The following VTCN1 variants were observed in gnomAD, a reference collection of about 807,000 sequenced individuals.
The protein encoded by VTCN1 is V-set domain-containing T-cell activation inhibitor 1.
A neutral mutation model predicts 26.5 loss-of-function variants in VTCN1; 26 were observed. That is an observed-to-expected ratio of 0.98 (90% CI 0.72 to 1.36). The LOEUF is 1.36. Among genes scored for constraint, VTCN1 ranks in the 40% most tolerant of loss-of-function variants. The pLI is 0.00. For missense variants in VTCN1, 298 were observed against 337.7 expected (o/e 0.88, Z 0.92); for synonymous variants, 116 against 130.7 (o/e 0.89, Z 0.77).
At position 117,143,987 on chromosome 1, in the gene VTCN1, G is replaced by A. The variant is rs1396613342; in HGVS notation, c.*1284C>T. The A allele has an allele frequency of 6.6e-6, 1 of 152,144 alleles. No individual in the cohort carries two copies. Among genetic ancestry groups the A allele is most frequent in the Non-Finnish European group, 1.5e-5 (1 of 68,040 alleles). The allele number at this position is 152,144 out of a possible 1,614,324, so 9.4% of individuals were successfully genotyped here. A position where few individuals can be genotyped will look rare whatever the true frequency, so the allele number is the denominator to read the frequency against. ...GGAAAGAAACTTAGAAGCTCAACAA[G>A]CTGAAGATAATCCCATCAGGCATTT... is the stretch of plus-strand genomic sequence containing the variant. On this transcript the variant is annotated 3_prime_UTR_variant, in exon 6 of 6. Coordinates refer to ENST00000369458, the MANE Select transcript of VTCN1 (RefSeq NM_024626.4).
At chr1:117,172,534 G>GTTTT in intron 1 of VTCN1, 1 of 507,478 alleles carries the variant, frequency 2.0e-6, no homozygotes, top group Non-Finnish European at 3.9e-6. Context: ...GTGGCCTAGG[G>GTTTT]TTTTCATTTA....
intron 1 of VTCN1, among the ~76,000 whole-genome samples, chr1:117,172,859 C>T (rs1935782): frequency 0.057 from 8,736 of 151,990 alleles, 629 homozygotes; most frequent in African/African-American, 0.17. Flanking sequence ...GGATTGTAAA[C>T]GCACGGATCA....
chr1:117,204,770 G>T (rs1450372929), intron 1 of VTCN1, among the ~76,000 whole-genome samples: 1 of 151,958 alleles, frequency 6.6e-6, no homozygotes, highest in African/African-American at 2.4e-5. Context: ...GGAGGCTGAG[G>T]CAGGAGAATC....
chr1:117,209,283 CGA>C (rs1201396427), intron 1 of VTCN1, among the ~76,000 whole-genome samples: 1 of 152,162 alleles, frequency 6.6e-6, no homozygotes, highest in Non-Finnish European at 1.5e-5. Context: ...CAAAGCATTA[CGA>C]GAGAGCCCAC....
At chr1:117,185,300 G>T (rs1291226541) in intron 1 of VTCN1, among the ~76,000 whole-genome samples, 10 of 152,120 alleles carry the variant, frequency 6.6e-5, no homozygotes, top group Non-Finnish European at 1.5e-5. Context: ...GAATGACTAG[G>T]GTCTTGGTCC....
At chr1:117,191,215 G>C (rs1232024288) in intron 1 of VTCN1, among the ~76,000 whole-genome samples, 1 of 152,164 alleles carries the variant, frequency 6.6e-6, no homozygotes, top group East Asian at 1.9e-4. Flanking sequence ...TTTGCAATCA[G>C]TCATTTAGAG....
chr1:117,192,057 A>G (rs6702332), intron 1 of VTCN1, among the ~76,000 whole-genome samples: 3,879 of 151,930 alleles, frequency 0.026, 172 homozygotes, highest in African/African-American at 0.089. Context: ...AGCTCAAAAG[A>G]TTTTAAGCAG....
intron 4 of VTCN1, among the ~76,000 whole-genome samples, chr1:117,149,662 C>T (rs12094597): frequency 0.033 from 5,035 of 152,238 alleles, 198 homozygotes; most frequent in African/African-American, 0.089. Context: ...TGATTAACTT[C>T]TCTTTTGATA....
rs1388377450 is a variant in VTCN1 at position 117,204,850 on chromosome 1, AGCGAGACT to A, written c.32+5966_32+5973del. On this transcript the variant is annotated intron_variant, in intron 1 of 5. Transcript: ENST00000369458. ...CACTGTACTCCAGCCTGGGCAACAGAGCGAGACTCTGTCTCACAAAAAAGAAAAAAGAA... is the reference window on the plus strand; with the variant it reads ...CACTGTACTCCAGCCTGGGCAACAGACTGTCTCACAAAAAAGAAAAAAGAA... Among the ~76,000 whole-genome samples the A allele has an allele frequency of 4.8e-4, 3 of 6,252 alleles. No individual in the cohort carries two copies. The Non-Finnish European group carries it at 0.036, about 74-fold the overall frequency. 4.1% of individuals were successfully genotyped at this position (6,252 alleles called of 152,430 possible). A position where few individuals can be genotyped will look rare whatever the true frequency, so the allele number is the denominator to read the frequency against.
rs189526334 is a variant in VTCN1 at position 117,183,816 on chromosome 1, A to T, written c.33-13645T>A. On this transcript the variant is annotated intron_variant, in intron 1 of 5. Coordinates refer to ENST00000369458, the MANE Select transcript of VTCN1 (RefSeq NM_024626.4). The surrounding 1 kb of genome is among the most constrained non-coding windows in gnomAD (Gnocchi z 4.1). ...AAAAAAATAAAAGACAAAACCACAC[A>T]CACATTTTTGGGTACTTCATTTTTG... Among the ~76,000 whole-genome samples, 6 of 152,336 alleles carry T rather than the reference A, an allele frequency of 3.9e-5. No individual in the cohort carries two copies. The highest frequency in any genetic ancestry group is 1.4e-4 in the African/African-American group (6 of 41,586).
chr1:117,173,270 T>A (rs1024664267), intron 1 of VTCN1: 5 of 691,422 alleles, frequency 7.2e-6, no homozygotes, highest in Non-Finnish European at 1.3e-5. Flanking sequence ...ATTGCAGATG[T>A]AGTTAGTTAA....
At chr1:117,148,663 T>C (rs1249285146) in intron 4 of VTCN1, among the ~76,000 whole-genome samples, 1 of 152,230 alleles carries the variant, frequency 6.6e-6, no homozygotes, top group Non-Finnish European at 1.5e-5. Flanking sequence ...GAGTACCTAC[T>C]ATTGGGGTTC....
At position 117,210,911 on chromosome 1, in the gene VTCN1, C is replaced by G. The variant is rs114396273; in HGVS notation, c.-56G>C. 6.3e-7 allele frequency: 1 copy of G among 1,598,308 alleles called. No individual in the cohort carries two copies. The highest frequency in any genetic ancestry group is 1.3e-5 in the African/African-American group (1 of 74,720). ...ACTGGCTGAGTGGAGCTGCCGCTGC[C>G]TTCCTTGGTGACTCACAACCAGCTC... On this transcript the variant is annotated 5_prime_UTR_variant, in exon 1 of 6. Coordinates refer to ENST00000369458, the MANE Select transcript of VTCN1 (RefSeq NM_024626.4).
chr1:117,190,956 T>C (rs922063084), intron 1 of VTCN1, among the ~76,000 whole-genome samples: 2 of 152,152 alleles, frequency 1.3e-5, no homozygotes, highest in African/African-American at 4.8e-5. Context: ...CTGACAAGAA[T>C]TTAAAATAAT....
chr1:117,147,492 T>A lies in VTCN1; in HGVS notation c.*45+121A>T. 1 of 784,878 alleles carries A rather than the reference T, an allele frequency of 1.3e-6. No homozygotes were observed. The highest frequency in any genetic ancestry group is 1.9e-6 in the Non-Finnish European group (1 of 523,940). 48.6% of individuals were successfully genotyped at this position (784,878 alleles called of 1,614,324 possible). On this transcript the variant is annotated intron_variant, in intron 5 of 5. Coordinates refer to ENST00000369458, the MANE Select transcript of VTCN1 (RefSeq NM_024626.4). The surrounding 1 kb of genome is among the most constrained non-coding windows in gnomAD (Gnocchi z 4.6). Reference sequence around the variant, plus strand: ...TTTCCCAGTACTAGTGGAAATAATGTCACAGCCCTGGTGTCATTAAATGTT... The same window carrying A: ...TTTCCCAGTACTAGTGGAAATAATGACACAGCCCTGGTGTCATTAAATGTT...
chr1:117,177,850 G>A (rs777300031), intron 1 of VTCN1, among the ~76,000 whole-genome samples: 3 of 150,908 alleles, frequency 2.0e-5, no homozygotes, highest in Non-Finnish European at 4.4e-5. Flanking sequence ...AGAATATTGT[G>A]TTGAAAAAGA....
intron 1 of VTCN1, among the ~76,000 whole-genome samples, chr1:117,194,378 G>A (rs1227022375): frequency 6.6e-6 from 1 of 152,118 alleles, no homozygotes; most frequent in Non-Finnish European, 1.5e-5. Context: ...TAAAAATGTT[G>A]GTGCGGATGC....
intron 1 of VTCN1, among the ~76,000 whole-genome samples, chr1:117,206,686 T>C (rs1190703430): frequency 1.0e-5 from 1 of 96,744 alleles, no homozygotes; most frequent in Non-Finnish European, 2.3e-5. Context: ...ATGCTGACTA[T>C]GAACATAAGA....
chr1:117,196,456 A>T (rs936614402), intron 1 of VTCN1, among the ~76,000 whole-genome samples: 1 of 151,786 alleles, frequency 6.6e-6, no homozygotes, highest in Non-Finnish European at 1.5e-5. Context: ...ACATATAAAT[A>T]GTGGTTATCT....
Sources: allele counts gnomAD v4.1 joint callset (sites outside exome capture counted in the v4.1 genomes callset), GRCh38; gene constraint gnomAD v4.1.1; non-coding constraint Gnocchi (gnomAD v3.1); transcripts MANE v1.5; gene names NCBI Gene and HGNC (gene_info 2026-07-23, HGNC 2026-07-21).